The following FEM1C variants were observed in gnomAD, a reference collection of about 807,000 sequenced individuals.
FEM1C encodes protein fem-1 homolog C.
A neutral mutation model predicts 37.6 loss-of-function variants in FEM1C; 15 were observed. That is an observed-to-expected ratio of 0.40 (90% CI 0.27 to 0.61). The LOEUF (loss-of-function observed/expected upper bound fraction) is 0.61, where lower values mean the gene tolerates loss of function less well. Among genes scored for constraint, FEM1C ranks in the 20% least tolerant of loss-of-function variants. The probability of loss-of-function intolerance (pLI) is 0.42; values close to 1 mark genes in which losing one functional copy is unlikely to be tolerated. For missense variants in FEM1C, 532 were observed against 749.7 expected, an observed-to-expected ratio of 0.71 and a Z score of 3.39; for synonymous variants, 287 against 272.8, an observed-to-expected ratio of 1.05 and a Z score of -0.51.
At position 115,524,556 on chromosome 5, in the gene FEM1C, C is replaced by T; in HGVS notation, c.1606G>A (p.Ala536Thr). ...ATGATGTCTGGATGGTTGTTAAGAG[C>T]AGCGATATGCAGGGGACTGTTGTCA... ...SDDNSPLHIA[A>T]LNNHPDIMNL... The change falls in exon 3 of 3, where the codon GCT becomes ACT. Residue 536 changes from alanine (A) to threonine (T), a missense_variant. By Grantham distance (58) the Ala-to-Thr change is moderately conservative. This residue lies in a region of FEM1C where 237 missense variants were observed against 260.5 expected (regional missense o/e 0.91). Transcript: ENST00000274457. 1 of 1,613,404 alleles carries T rather than the reference C, an allele frequency of 6.2e-7. No individual in the cohort carries two copies. Among genetic ancestry groups the T allele is most frequent in the Non-Finnish European group, 8.5e-7 (1 of 1,179,626 alleles).
intron 2 of FEM1C, among the ~76,000 whole-genome samples, chr5:115,535,450 T>C (rs914915765): frequency 6.6e-5 from 10 of 151,392 alleles, no homozygotes; most frequent in Non-Finnish European, 1.2e-4. Context: ...CCAAAGAAAA[T>C]AGAGACAGAG....
chr5:115,540,458 G>GT (rs932283715), intron 2 of FEM1C, among the ~76,000 whole-genome samples: 1 of 151,880 alleles, frequency 6.6e-6, no homozygotes, highest in Admixed American at 6.6e-5. Context: ...GTTATATGTA[G>GT]TTTTTTTAAA....
intron 2 of FEM1C, among the ~76,000 whole-genome samples, chr5:115,540,977 G>GA (rs1754229254): frequency 6.6e-6 from 1 of 151,978 alleles, no homozygotes; most frequent in Non-Finnish European, 1.5e-5. Flanking sequence ...TTCTTCAAAA[G>GA]AATGATAATT....
rs114649496 is a variant in FEM1C at position 115,544,637 on chromosome 5, C to A, written c.-305G>T. 1,417 of 154,610 alleles carry A rather than the reference C, an allele frequency of 9.2e-3. 21 individuals are homozygous for A. Among genetic ancestry groups the A allele is most frequent in the East Asian group, 0.025 (134 of 5,270 alleles). The allele number at this position is 154,610 out of a possible 1,614,324, so 9.6% of individuals were successfully genotyped here. A position where few individuals can be genotyped will look rare whatever the true frequency, so the allele number is the denominator to read the frequency against. The stretch of plus-strand genomic sequence containing the variant: ...CGGGCCGCCCTGCTCCGCCTGCGGC[C>A]GCACAGCTCCTCCATGCTCCGCGCC... On this transcript the variant is annotated 5_prime_UTR_variant, in exon 1 of 3. Coordinates refer to ENST00000274457, the MANE Select transcript of FEM1C (RefSeq NM_020177.3).
chr5:115,544,287 C>T (rs1387094697), intron 1 of FEM1C, among the ~76,000 whole-genome samples: 1 of 151,550 alleles, frequency 6.6e-6, no homozygotes, highest in Non-Finnish European at 1.5e-5. Context: ...GGATGATCCG[C>T]AGGTTCCTCA....
At chr5:115,537,174 A>G in intron 2 of FEM1C, among the ~76,000 whole-genome samples, 1 of 152,030 alleles carries the variant, frequency 6.6e-6, no homozygotes, top group Non-Finnish European at 1.5e-5. Flanking sequence ...TTCCACTTCT[A>G]TCTTCCATCA....
rs1417081648 is a variant in FEM1C, at chr5:115,524,676, A to T, written c.1486T>A (p.Cys496Ser). ...LHLAVDKNTT[C>S]VGRYPVCKFP... ...TTACAAACAGGGTACCGCCCTACAC[A>T]TGTAGTATTCTTGTCCACAGCCAGA... Residue 496 changes from cysteine to serine, a missense_variant, in exon 3 of 3, where the codon TGT (cysteine) becomes AGT (serine). Transcript: ENST00000274457. 5 of 1,552,110 alleles carry T rather than the reference A, an allele frequency of 3.2e-6. No individual in the cohort carries two copies. The highest frequency in any genetic ancestry group is 4.3e-6 in the Non-Finnish European group (5 of 1,153,590).
Position 115,524,332 on chromosome 5 carries a change from C to T in FEM1C, c.1830G>A (p.Glu610=). The T allele has an allele frequency of 6.2e-7, 1 of 1,613,204 alleles. No individual in the cohort carries two copies. Among genetic ancestry groups the T allele is most frequent in the Non-Finnish European group, 8.5e-7 (1 of 1,179,542 alleles). ...YYKGHIPEKL[E]TFVSLHR is the part of the protein sequence containing the mutation. The stretch of plus-strand genomic sequence containing the variant: ...ATCATCTATGAAGGGAAACAAAAGT[C>T]TCTAGCTTTTCTGGGATATGCCCTT... Residue 610 remains glutamate (E), a synonymous_variant, in exon 3 of 3, where the codon GAG becomes GAA. Coordinates refer to ENST00000274457, the MANE Select transcript of FEM1C (RefSeq NM_020177.3).
In FEM1C at chr5:115,524,124, G is replaced by C. The variant is rs1445660332; in HGVS notation, c.*184C>G. ...ATAATTCACAAACAATATATTATAT[G>C]GTATATTTATATTAAATATTGGGAA... On this transcript the variant is annotated 3_prime_UTR_variant, in exon 3 of 3. Coordinates refer to ENST00000274457, the MANE Select transcript of FEM1C (RefSeq NM_020177.3). 1.8e-6 allele frequency: 1 copy of C among 560,748 alleles called. No individual in the cohort carries two copies. The highest frequency in any genetic ancestry group is 3.1e-6 in the Non-Finnish European group (1 of 318,258). The allele number at this position is 560,748 out of a possible 1,614,324, so 34.7% of individuals were successfully genotyped here.
chr5:115,524,619 T>C lies in FEM1C; in HGVS notation c.1543A>G (p.Ile515Val). The C allele has an allele frequency of 6.2e-7, 1 of 1,603,620 alleles. No individual in the cohort carries two copies. Among genetic ancestry groups the C allele is most frequent in the East Asian group, 2.2e-5 (1 of 44,854 alleles). ...ACGTTCACATCAGCACCACATTCTA[T>C]CAGTATTGCAGTAACTTGTAGAGAT... ...FPSLQVTAIL[I>V]ECGADVNVRD... is the part of the protein sequence containing the mutation. Residue 515 changes from isoleucine (I) to valine (V), a missense_variant, in exon 3 of 3, where the codon ATA becomes GTA. Ile to Val is a conservative substitution (Grantham distance 29). Transcript: ENST00000274457.
intron 2 of FEM1C, among the ~76,000 whole-genome samples, chr5:115,536,000 T>C (rs1266148243): frequency 6.6e-6 from 1 of 151,976 alleles, no homozygotes; most frequent in African/African-American, 2.4e-5. Context: ...TTAAATTAAA[T>C]GTCCAGAACA....
rs185888978 is a variant in FEM1C at position 115,527,726 on chromosome 5, G to A, written c.545-2109C>T. ...AATAAAATGTAGCAAAAGCTGGCCA[G>A]GCGCGGTAGCTCACGCCTGTAATCC... On this transcript the variant is annotated intron_variant, in intron 2 of 2. Transcript: ENST00000274457. Among the ~76,000 whole-genome samples the A allele has an allele frequency of 2.9e-3, 435 of 152,234 alleles. 2 individuals are homozygous for A. The highest frequency in any genetic ancestry group is 0.01 in the African/African-American group (421 of 41,564).
intron 2 of FEM1C, among the ~76,000 whole-genome samples, chr5:115,541,199 C>T (rs1754233491): frequency 6.6e-6 from 1 of 151,954 alleles, no homozygotes; most frequent in Non-Finnish European, 1.5e-5. Flanking sequence ...TTAAAGATAA[C>T]ATTTATTAAG....
intron 2 of FEM1C, among the ~76,000 whole-genome samples, chr5:115,527,115 C>G (rs1753910861): frequency 6.6e-6 from 1 of 152,080 alleles, no homozygotes. Flanking sequence ...CTACACTTCA[C>G]CTGCGGCTTT....
In FEM1C at chr5:115,521,438, A is replaced by T. The variant is rs1161771350; in HGVS notation, c.*2870T>A. On this transcript the variant is annotated 3_prime_UTR_variant, in exon 3 of 3. Coordinates refer to ENST00000274457, the MANE Select transcript of FEM1C (RefSeq NM_020177.3). ...ACTTCAAATTCATAATGGGCACCAA[A>T]TTATCTTTGATTTGGGTTTATGCCT... 1 of 151,858 alleles carries T rather than the reference A, an allele frequency of 6.6e-6. No homozygotes were observed. The highest frequency in any genetic ancestry group is 2.4e-5 in the African/African-American group (1 of 41,410). The allele number at this position is 151,858 out of a possible 1,614,324, so 9.4% of individuals were successfully genotyped here. A position where few individuals can be genotyped will look rare whatever the true frequency, so the allele number is the denominator to read the frequency against.
Position 115,525,432 on chromosome 5 carries a change from G to A in FEM1C, c.730C>T (p.Arg244Cys), listed in dbSNP as rs375159711. The change falls in exon 3 of 3, where the codon CGT (arginine) becomes TGT (cysteine). Residue 244 changes from arginine (R) to cysteine (C), a missense_variant. Transcript: ENST00000274457. ...CCCAGAAGCTCTAGAGCATTAATAC[G>A]TTCTGTCTTGCTGGTCTGTGCATGG... ...THHAQTSKTE[R>C]INALELLGAT... 2.6e-5 allele frequency: 42 copies of A among 1,613,384 alleles called. No homozygotes were observed. The highest frequency in any genetic ancestry group is 1.0e-4 in the Admixed American group (6 of 59,896).
chr5:115,524,560 G>A lies in FEM1C; in HGVS notation c.1602C>T (p.Ile534=), dbSNP rs768641716. 2.1e-5 allele frequency: 34 copies of A among 1,613,418 alleles called. No homozygotes were observed. The highest frequency in any genetic ancestry group is 1.1e-4 in the East Asian group (5 of 44,864). ...RDSDDNSPLH[I]AALNNHPDIM... ...TGTCTGGATGGTTGTTAAGAGCAGC[G>A]ATATGCAGGGGACTGTTGTCATCCG... Residue 534 remains isoleucine (I), a synonymous_variant, in exon 3 of 3, where the codon ATC becomes ATT. Coordinates refer to ENST00000274457, the MANE Select transcript of FEM1C (RefSeq NM_020177.3).
chr5:115,541,998 GA>G (rs1259271182), intron 2 of FEM1C, among the ~76,000 whole-genome samples: 1 of 152,026 alleles, frequency 6.6e-6, no homozygotes, highest in Non-Finnish European at 1.5e-5. Context: ...TACACTGTTT[GA>G]TTTTTTTTAA....
chr5:115,524,276 T>C lies in FEM1C; in HGVS notation c.*32A>G, dbSNP rs534290490. 6.4e-6 allele frequency: 10 copies of C among 1,565,570 alleles called. No homozygotes were observed. The highest frequency in any genetic ancestry group is 3.4e-5 in the Admixed American group (2 of 59,344). Reference sequence around the variant, plus strand: ...TTATGAAACAACTGTTACCAATTCGTGCTTTAACAGTGCTAAAATACAGTC... The same window carrying C: ...TTATGAAACAACTGTTACCAATTCGCGCTTTAACAGTGCTAAAATACAGTC... On this transcript the variant is annotated 3_prime_UTR_variant, in exon 3 of 3. Coordinates refer to ENST00000274457, the MANE Select transcript of FEM1C (RefSeq NM_020177.3).
Sources: gnomAD v4.1 joint callset for allele counts (sites outside exome capture counted in the v4.1 genomes callset) on GRCh38, gnomAD v4.1.1 for gene constraint, gnomAD v4.1.1 regional missense constraint, MANE v1.5 for transcripts, NCBI Gene and HGNC (gene_info 2026-07-23, HGNC 2026-07-21) for gene names.